CA10: variants seen among roughly 807,000 people sequenced by gnomAD.
CA10 encodes the protein carbonic anhydrase 10 (inactive), also known as carbonic anhydrase-related protein 10.
A neutral mutation model predicts 44.2 loss-of-function variants in CA10; 14 were observed. The ratio of observed to expected loss-of-function variants is 0.32; its 90% CI spans 0.21 to 0.50. The LOEUF (loss-of-function observed/expected upper bound fraction) is 0.50, where lower values mean the gene tolerates loss of function less well. CA10 is among the 20% of genes least tolerant of loss of function. CA10 has a pLI of 0.99. For synonymous variants in CA10, 159 were observed against 141.6 expected (o/e 1.12, Z -0.87); for missense variants, 350 against 409.7 (o/e 0.85, Z 1.26).
At chr17:51,680,474 G>A (rs558426691) in intron 4 of CA10, among the ~76,000 whole-genome samples, 2 of 152,318 alleles carry the variant, frequency 1.3e-5, no homozygotes, top group African/African-American at 2.4e-5. Flanking sequence ...ATGTGTATCC[G>A]TGAGCAATAA....
chr17:51,888,183 A>T (rs1980699012), intron 3 of CA10, among the ~76,000 whole-genome samples: 2 of 152,184 alleles, frequency 1.3e-5, no homozygotes, highest in South Asian at 4.1e-4. Flanking sequence ...TGATTTTTAA[A>T]AAAAAGGAGA....
chr17:52,013,793 T>C (rs928163652), intron 2 of CA10, among the ~76,000 whole-genome samples: 1 of 151,982 alleles, frequency 6.6e-6, no homozygotes, highest in Non-Finnish European at 1.5e-5. Flanking sequence ...AGAACCCCAC[T>C]CTGATACCAA....
intron 3 of CA10, among the ~76,000 whole-genome samples, chr17:51,800,117 T>C (rs1220257149): frequency 6.6e-6 from 1 of 152,190 alleles, no homozygotes; most frequent in African/African-American, 2.4e-5. Flanking sequence ...ATCAACTGAT[T>C]AGTAGAAAAT....
intron 4 of CA10, among the ~76,000 whole-genome samples, chr17:51,690,463 C>T (rs998214916): frequency 5.9e-5 from 9 of 152,174 alleles, no homozygotes; most frequent in African/African-American, 2.2e-4. Flanking sequence ...TATGGTTTGG[C>T]TATGTCCCCA....
At chr17:52,113,424 C>T (rs1374783534) in intron 1 of CA10, among the ~76,000 whole-genome samples, 1 of 151,930 alleles carries the variant, frequency 6.6e-6, no homozygotes. Context: ...ATACTGATAC[C>T]CATATGCATA....
intron 2 of CA10, among the ~76,000 whole-genome samples, chr17:51,944,424 C>A (rs1983198007): frequency 6.6e-6 from 1 of 152,126 alleles, no homozygotes; most frequent in Non-Finnish European, 1.5e-5. Context: ...AGAGAGTCTG[C>A]AACTTATCAT....
intron 4 of CA10, among the ~76,000 whole-genome samples, chr17:51,670,622 A>T (rs963371469): frequency 6.6e-6 from 1 of 151,712 alleles, no homozygotes; most frequent in Non-Finnish European, 1.5e-5. Flanking sequence ...CTCTGGATTT[A>T]TCTGTAGCAT....
chr17:51,739,437 C>A (rs530429213), intron 4 of CA10, among the ~76,000 whole-genome samples: 4 of 152,226 alleles, frequency 2.6e-5, no homozygotes, highest in African/African-American at 9.6e-5. Flanking sequence ...TGTAATGTAA[C>A]ACCTTCCTCC....
chr17:52,050,901 C>T (rs1987046278), intron 2 of CA10, among the ~76,000 whole-genome samples: 1 of 151,768 alleles, frequency 6.6e-6, no homozygotes, highest in African/African-American at 2.4e-5. Context: ...AGGACAAGAC[C>T]ATATTTGTTT....
At chr17:52,034,721 C>A (rs1419026217) in intron 2 of CA10, among the ~76,000 whole-genome samples, 1 of 152,070 alleles carries the variant, frequency 6.6e-6, no homozygotes, top group East Asian at 1.9e-4. Context: ...TAAGATATGG[C>A]TAATAACAGT....
At chr17:51,915,745 C>T (rs775619806) in intron 3 of CA10, among the ~76,000 whole-genome samples, 149 of 152,052 alleles carry the variant, frequency 9.8e-4, no homozygotes, top group Non-Finnish European at 1.8e-3. Context: ...CTATTCATTC[C>T]TCCCGGGCCG....
At chr17:52,137,280 A>G (rs1293920714) in intron 1 of CA10, among the ~76,000 whole-genome samples, 1 of 152,176 alleles carries the variant, frequency 6.6e-6, no homozygotes, top group Non-Finnish European at 1.5e-5. Context: ...AATGGGGAGA[A>G]CAACTATCCA....
chr17:51,814,693 G>A (rs897167460), intron 3 of CA10, among the ~76,000 whole-genome samples: 1 of 152,194 alleles, frequency 6.6e-6, no homozygotes, highest in Non-Finnish European at 1.5e-5. Flanking sequence ...TCAAGGTCAT[G>A]TGCCTGGCAA....
At position 51,747,792 on chromosome 17, in the gene CA10, T is replaced by C; in HGVS notation, c.306A>G (p.Gly102=). The change falls in exon 4 of 9, where the codon GGA becomes GGG. Residue 102 remains glycine, a synonymous_variant. Coordinates refer to ENST00000451037, the MANE Select transcript of CA10 (RefSeq NM_020178.5). ...RKVSGTMYNT[G]RHVSLRLDKE... The stretch of plus-strand genomic sequence containing the variant: ...TGTCCAGGCGAAGGGATACGTGTCT[T>C]CCAGTGTTGTACATGGTCCCACTGA... The C allele has an allele frequency of 6.2e-7, 1 of 1,613,466 alleles. No homozygotes were observed. The highest frequency in any genetic ancestry group is 1.3e-5 in the African/African-American group (1 of 75,042).
chr17:51,776,430 A>G (rs1905823154), intron 3 of CA10, among the ~76,000 whole-genome samples: 1 of 152,194 alleles, frequency 6.6e-6, no homozygotes, highest in African/African-American at 2.4e-5. Flanking sequence ...ACAAAAGAAT[A>G]AAACAGGTAA....
intron 1 of CA10, among the ~76,000 whole-genome samples, chr17:52,129,528 A>G (rs1424208672): frequency 6.6e-6 from 1 of 152,204 alleles, no homozygotes; most frequent in Non-Finnish European, 1.5e-5. Context: ...TATGTGGTGA[A>G]TCAGGTATTT....
chr17:51,749,861 T>C (rs562404705), intron 3 of CA10, among the ~76,000 whole-genome samples: 1 of 152,302 alleles, frequency 6.6e-6, no homozygotes, highest in East Asian at 1.9e-4. Flanking sequence ...GCTTCAGATA[T>C]CTTTGTGTCT....
intron 2 of CA10, among the ~76,000 whole-genome samples, chr17:51,935,245 A>AT (rs1427755161): frequency 2.0e-5 from 3 of 152,002 alleles, no homozygotes; most frequent in Non-Finnish European, 4.4e-5. Flanking sequence ...ATATTGTTGA[A>AT]TTTTTTTCTC....
chr17:52,114,137 T>C (rs1014952203), intron 1 of CA10, among the ~76,000 whole-genome samples: 12 of 152,244 alleles, frequency 7.9e-5, no homozygotes, highest in Admixed American at 5.2e-4. Flanking sequence ...GTGAGTCTCC[T>C]GAATGAAGCT....
Sources: gnomAD v4.1 joint callset for allele counts (sites outside exome capture counted in the v4.1 genomes callset) on GRCh38, gnomAD v4.1.1 for gene constraint, MANE v1.5 for transcripts, NCBI Gene and HGNC (gene_info 2026-07-23, HGNC 2026-07-21) for gene names.